CD80: variants seen among roughly 807,000 people sequenced by gnomAD.
The protein encoded by CD80 is CD80 molecule, also known as T-lymphocyte activation antigen CD80.
CD80 carries 13 observed loss-of-function variants against 27.1 expected under a neutral mutation model. The ratio of observed to expected loss-of-function variants is 0.48; its 90% CI spans 0.31 to 0.76. CD80 has a LOEUF of 0.76. Ranked by LOEUF, CD80 falls within the 30% of genes least tolerant of loss-of-function variation. The pLI is 0.04. For missense variants in CD80, 277 were observed against 347.9 expected (o/e 0.80, Z 1.62); for synonymous variants, 125 against 125.5 (o/e 1.00, Z 0.03).
At chr3:119,533,771 C>T (rs2082122135) in intron 4 of CD80, among the ~76,000 whole-genome samples, 1 of 152,116 alleles carries the variant, frequency 6.6e-6, no homozygotes, top group Non-Finnish European at 1.5e-5. Context: ...TGCCCAGTCT[C>T]GGGTATGTCT....
At chr3:119,529,379 A>G (rs566744294) in intron 5 of CD80, among the ~76,000 whole-genome samples, 25 of 152,242 alleles carry the variant, frequency 1.6e-4, no homozygotes, top group Admixed American at 4.6e-4. Context: ...TCTAACTCCA[A>G]ATCAAAATTA....
At chr3:119,557,190 T>C (rs80182568) in intron 2 of CD80, among the ~76,000 whole-genome samples, 59 of 152,280 alleles carry the variant, frequency 3.9e-4, no homozygotes, top group African/African-American at 1.1e-3. Flanking sequence ...CTCTCCCGCC[T>C]TCAGATTGGA....
chr3:119,544,726 A>T lies in CD80; in HGVS notation c.242T>A (p.Met81Lys). The change falls in exon 3 of 7, where the codon ATG (methionine) becomes AAG (lysine). Residue 81 changes from methionine to lysine, a missense_variant. Coordinates refer to ENST00000264246, the MANE Select transcript of CD80 (RefSeq NM_005191.4). ...KMVLTMMSGD[M>K]NIWPEYKNRT... Reference sequence around the variant, plus strand: ...GTTCTTGTACTCGGGCCATATATTCATGTCCCCAGACATCATAGTCAGCAC... The same window carrying T: ...GTTCTTGTACTCGGGCCATATATTCTTGTCCCCAGACATCATAGTCAGCAC... The T allele has an allele frequency of 6.2e-7, 1 of 1,614,210 alleles. No homozygotes were observed. The highest frequency in any genetic ancestry group is 8.5e-7 in the Non-Finnish European group (1 of 1,180,030).
At chr3:119,553,673 G>T (rs2082246636) in intron 2 of CD80, among the ~76,000 whole-genome samples, 1 of 152,214 alleles carries the variant, frequency 6.6e-6, no homozygotes, top group African/African-American at 2.4e-5. Context: ...TGCTAGTGGA[G>T]AAGGGAGAGA....
chr3:119,539,304 A>G (rs1247176242), intron 3 of CD80, among the ~76,000 whole-genome samples: 2 of 152,124 alleles, frequency 1.3e-5, no homozygotes, highest in Non-Finnish European at 2.9e-5. Flanking sequence ...TTGGTGTTCT[A>G]TATATTTGTC....
At chr3:119,558,199 T>G (rs1010353954) in intron 1 of CD80, among the ~76,000 whole-genome samples, 2 of 152,220 alleles carry the variant, frequency 1.3e-5, no homozygotes, top group Non-Finnish European at 2.9e-5. Context: ...CCTCCATATC[T>G]GTTAGCCAAC....
rs193014753 is a variant in CD80 at position 119,525,176 on chromosome 3, A to G, written c.*612T>C. On this transcript the variant is annotated 3_prime_UTR_variant, in exon 7 of 7. Transcript: ENST00000264246. ...TGAGAGAGCAGCAATAGAGAACACAATGAAAAAAATGGAATACTGGGTAAA... is the reference window on the plus strand; with the variant it reads ...TGAGAGAGCAGCAATAGAGAACACAGTGAAAAAAATGGAATACTGGGTAAA... 2 of 152,320 alleles carry G rather than the reference A, an allele frequency of 1.3e-5. No homozygotes were observed. The highest frequency in any genetic ancestry group is 3.9e-4 in the East Asian group (2 of 5,194). 9.4% of individuals were successfully genotyped at this position (152,320 alleles called of 1,614,324 possible).
At chr3:119,556,093 C>A (rs1238992853) in intron 2 of CD80, among the ~76,000 whole-genome samples, 1 of 152,178 alleles carries the variant, frequency 6.6e-6, no homozygotes, top group Non-Finnish European at 1.5e-5. Context: ...ATATGCAGAC[C>A]TCTTTGAGTG....
intron 2 of CD80, among the ~76,000 whole-genome samples, chr3:119,547,729 T>A (rs2082209351): frequency 6.6e-6 from 1 of 152,184 alleles, no homozygotes; most frequent in East Asian, 1.9e-4. Context: ...TTTACCTAAA[T>A]CTATGTTTGC....
At chr3:119,537,005 T>C in intron 4 of CD80, 132 bp downstream of exon 4, 3 of 856,124 alleles carry the variant, frequency 3.5e-6, no homozygotes, top group South Asian at 1.6e-5. Context: ...GTAAATACAC[T>C]CTGATGTTCA....
intron 4 of CD80, among the ~76,000 whole-genome samples, chr3:119,536,243 A>T (rs9990306): frequency 0.12 from 18,670 of 152,120 alleles, 1,374 homozygotes; most frequent in Admixed American, 0.18. Flanking sequence ...AGGGCGAGAC[A>T]CTGTCTCAAA....
intron 4 of CD80, among the ~76,000 whole-genome samples, chr3:119,535,791 T>C (rs1465230894): frequency 6.6e-6 from 1 of 152,140 alleles, no homozygotes; most frequent in Non-Finnish European, 1.5e-5. Flanking sequence ...TTTGGCACCA[T>C]GGAACCGTGT....
At chr3:119,542,099 A>G (rs2082172722) in intron 3 of CD80, among the ~76,000 whole-genome samples, 1 of 121,572 alleles carries the variant, frequency 8.2e-6, no homozygotes, top group Non-Finnish European at 1.6e-5. Flanking sequence ...TCATTTTAAC[A>G]GGGATCTTTT....
At chr3:119,541,763 T>C (rs564994517) in intron 3 of CD80, among the ~76,000 whole-genome samples, 14 of 152,342 alleles carry the variant, frequency 9.2e-5, no homozygotes, top group Admixed American at 7.2e-4. Flanking sequence ...CTCAGCAAAA[T>C]TAAGCGAGTG....
chr3:119,544,905 T>C, intron 2 of CD80, 38 bp from the exon 3 acceptor site: 1 of 1,529,202 alleles, frequency 6.5e-7, no homozygotes, highest in Non-Finnish European at 9.0e-7. Context: ...GTATATTTAT[T>C]AAATACAGAT....
chr3:119,553,793 C>T (rs2082248225), intron 2 of CD80, among the ~76,000 whole-genome samples: 1 of 152,240 alleles, frequency 6.6e-6, no homozygotes, highest in African/African-American at 2.4e-5. Flanking sequence ...ATGAAATAAA[C>T]ATTCTTAGAA....
At chr3:119,558,109 A>G (rs1169695845) in intron 1 of CD80, among the ~76,000 whole-genome samples, 181 bp from the exon 2 acceptor site, 1 of 152,298 alleles carries the variant, frequency 6.6e-6, no homozygotes, top group Non-Finnish European at 1.5e-5. Context: ...CCAAGAACCA[A>G]CCACAGCCCT....
rs563828354 is a variant in CD80 at position 119,528,376 on chromosome 3, G to A, written c.797-535C>T. 1.6e-4 allele frequency among the ~76,000 whole-genome samples: 25 copies of A among 152,214 alleles called. No individual in the cohort carries two copies. In the South Asian group the frequency reaches 5.2e-3, roughly 32 times the overall value. On this transcript the variant is annotated intron_variant, in intron 5 of 6. Transcript: ENST00000264246. ...GATCTTCCGATTTTATTTGATCAGT[G>A]TACATGATTTCTACTCAAAGAAGGG...
rs964339843 is a variant in CD80, at chr3:119,535,473, C to T, written c.700+1664G>A. The stretch of plus-strand genomic sequence containing the variant: ...ACCTGTGGTCCTCTGTATGATCAGC[C>T]GTACAATTTAAACAAGTATTAATAT... On this transcript the variant is annotated intron_variant, in intron 4 of 6. Coordinates refer to ENST00000264246, the MANE Select transcript of CD80 (RefSeq NM_005191.4). 7.9e-5 allele frequency among the ~76,000 whole-genome samples: 12 copies of T among 152,070 alleles called. No individual in the cohort carries two copies. The East Asian group carries it at 1.3e-3, about 17-fold the overall frequency.
Sources: gnomAD v4.1 joint callset for allele counts (sites outside exome capture counted in the v4.1 genomes callset) on GRCh38, gnomAD v4.1.1 for gene constraint, MANE v1.5 for transcripts, NCBI Gene and HGNC (gene_info 2026-07-23, HGNC 2026-07-21) for gene names.